BTF3L4: variants seen among roughly 807,000 people sequenced by gnomAD.
BTF3L4 encodes the protein transcription factor BTF3 homolog 4.
Under a neutral mutation model 16.8 loss-of-function variants are expected in BTF3L4, and 6 were observed. The ratio of observed to expected loss-of-function variants is 0.36; its 90% CI spans 0.20 to 0.71. The LOEUF (loss-of-function observed/expected upper bound fraction) is 0.71, where lower values mean the gene tolerates loss of function less well. BTF3L4 is among the 30% of genes least tolerant of loss of function. The pLI is 0.58. For synonymous variants in BTF3L4, 39 were observed against 59.8 expected (o/e 0.65, Z 1.60); for missense variants, 92 against 186.9 (o/e 0.49, Z 2.96).
At chr1:52,067,064 C>T (rs1022381674) in intron 3 of BTF3L4, among the ~76,000 whole-genome samples, 6 of 151,696 alleles carry the variant, frequency 4.0e-5, no homozygotes, top group South Asian at 2.1e-4. Flanking sequence ...TGGTGAGACC[C>T]GTCTCTACTA....
intron 3 of BTF3L4, among the ~76,000 whole-genome samples, chr1:52,079,547 T>C (rs187751853): frequency 2.9e-4 from 44 of 152,312 alleles, no homozygotes; most frequent in African/African-American, 9.1e-4. Flanking sequence ...AATTTATTTA[T>C]GTTTCACAAT....
At chr1:52,059,567 G>GA (rs1414584499) in intron 1 of BTF3L4, among the ~76,000 whole-genome samples, 3 of 152,156 alleles carry the variant, frequency 2.0e-5, no homozygotes, top group African/African-American at 4.8e-5. Flanking sequence ...TTTAAGGAGG[G>GA]ATCTTTGAAT....
chr1:52,085,420 T>G (rs888187297), intron 4 of BTF3L4, among the ~76,000 whole-genome samples: 2 of 151,688 alleles, frequency 1.3e-5, no homozygotes, highest in African/African-American at 4.8e-5. Context: ...TCGCCCAGGA[T>G]GGAGTGCAGT....
intron 1 of BTF3L4, among the ~76,000 whole-genome samples, chr1:52,059,309 T>C (rs1171258079): frequency 3.3e-5 from 5 of 152,346 alleles, no homozygotes; most frequent in East Asian, 3.9e-4. Context: ...CTACTTGATA[T>C]CTTGACAGCT....
chr1:52,061,294 G>A (rs1355986733), intron 2 of BTF3L4, among the ~76,000 whole-genome samples: 1 of 151,992 alleles, frequency 6.6e-6, no homozygotes, highest in Non-Finnish European at 1.5e-5. Context: ...TTCAAGACCA[G>A]CCTAGCCAAC....
chr1:52,056,592 C>A (rs1284118734), intron 1 of BTF3L4, among the ~76,000 whole-genome samples: 1 of 152,268 alleles, frequency 6.6e-6, no homozygotes, highest in Admixed American at 6.5e-5. Context: ...ACCACCGCCC[C>A]CTGTGGGAGC....
At chr1:52,066,011 C>A (rs1333140124) in intron 3 of BTF3L4, among the ~76,000 whole-genome samples, 1 of 151,952 alleles carries the variant, frequency 6.6e-6, no homozygotes, top group African/African-American at 2.4e-5. Flanking sequence ...GCACTCCAGC[C>A]TGGGTGACAG....
intron 1 of BTF3L4, among the ~76,000 whole-genome samples, chr1:52,057,144 T>C (rs1002234770): frequency 2.0e-5 from 3 of 152,180 alleles, no homozygotes; most frequent in Admixed American, 6.5e-5. Flanking sequence ...AGAAGAAAAA[T>C]ACCTTTCCCA....
At chr1:52,077,263 T>C (rs1334106075) in intron 3 of BTF3L4, among the ~76,000 whole-genome samples, 6 of 152,238 alleles carry the variant, frequency 3.9e-5, no homozygotes, top group African/African-American at 1.4e-4. Context: ...AACTGCTGGC[T>C]GGGCGCGGTA....
intron 3 of BTF3L4, among the ~76,000 whole-genome samples, chr1:52,075,710 C>T (rs2124435383): frequency 6.6e-6 from 1 of 151,510 alleles, no homozygotes; most frequent in Middle Eastern, 3.4e-3. Flanking sequence ...GTTGCCCAGG[C>T]TGAAGTGCGG....
intron 5 of BTF3L4, 145 bp from the exon 6 acceptor site, chr1:52,086,567 C>G: frequency 1.9e-6 from 1 of 536,394 alleles, no homozygotes; most frequent in Non-Finnish European, 3.3e-6. Flanking sequence ...AAAATGCCAC[C>G]AGTTCATTTC....
At chr1:52,076,295 G>T (rs193217269) in intron 3 of BTF3L4, among the ~76,000 whole-genome samples, 4 of 148,390 alleles carry the variant, frequency 2.7e-5, no homozygotes, top group East Asian at 2.1e-4. Context: ...AAAGAAAAAG[G>T]CTGGGCGCAG....
intron 5 of BTF3L4, 56 bp downstream of exon 5, chr1:52,086,227 G>A (rs1411427860): frequency 1.5e-6 from 2 of 1,313,568 alleles, no homozygotes; most frequent in African/African-American, 1.5e-5. Context: ...TCTCCTTTCA[G>A]TCATTGCATA....
chr1:52,057,026 A>G (rs917783384), intron 1 of BTF3L4, among the ~76,000 whole-genome samples: 2 of 152,184 alleles, frequency 1.3e-5, no homozygotes, highest in African/African-American at 2.4e-5. Flanking sequence ...GTAACTGTGT[A>G]TCTTCTGTGA....
intron 2 of BTF3L4, among the ~76,000 whole-genome samples, chr1:52,062,359 G>A (rs930503310): frequency 2.6e-5 from 4 of 151,582 alleles, no homozygotes; most frequent in African/African-American, 7.3e-5. Flanking sequence ...GCGCCACCAC[G>A]CCTGGCTAAT....
chr1:52,079,111 A>G (rs1445129119), intron 3 of BTF3L4, among the ~76,000 whole-genome samples: 3 of 152,210 alleles, frequency 2.0e-5, no homozygotes, highest in Admixed American at 6.6e-5. Flanking sequence ...AGAGGTGTCT[A>G]ACTGGTCTTG....
rs1222636020 is a variant in BTF3L4, at chr1:52,086,021, G to C, written c.371-91G>C. The C allele has an allele frequency of 7.8e-6, 6 of 765,678 alleles. No individual in the cohort carries two copies. In the Admixed American group the frequency reaches 1.9e-4, roughly 25 times the overall value. The allele number at this position is 765,678 out of a possible 1,614,324, so 47.4% of individuals were successfully genotyped here. On this transcript the variant is annotated intron_variant, in intron 4 of 5. Coordinates refer to ENST00000313334, the MANE Select transcript of BTF3L4 (RefSeq NM_152265.5). ...TTTAGCTATTTCTGAGCAACTCTGT[G>C]TGATTTATACAGGAAAAAAGGGATA... is the stretch of plus-strand genomic sequence containing the variant.
Position 52,066,197 on chromosome 1 carries a change from G to GTT in BTF3L4, c.168+1265_168+1266dup, listed in dbSNP as rs565389265. 1.8e-3 allele frequency among the ~76,000 whole-genome samples: 278 copies of GTT among 151,478 alleles called. 1 individual carries two copies. Among genetic ancestry groups the GTT allele is most frequent in the Admixed American group, 4.2e-3 (63 of 15,166 alleles). On this transcript the variant is annotated intron_variant, in intron 3 of 5. Coordinates refer to ENST00000313334, the MANE Select transcript of BTF3L4 (RefSeq NM_152265.5). Reference sequence around the variant, plus strand: ...GCACCTCTGCCTGATGATTCCATTTGTTTTTTTGTTTTTTAAGACAGAATC... The same window carrying GTT: ...GCACCTCTGCCTGATGATTCCATTTGTTTTTTTTTGTTTTTTAAGACAGAATC...
intron 3 of BTF3L4, among the ~76,000 whole-genome samples, chr1:52,074,265 T>C (rs970678572): frequency 6.6e-6 from 1 of 151,982 alleles, no homozygotes; most frequent in African/African-American, 2.4e-5. Context: ...TGGCACAGTC[T>C]TGGCTCACTG....
Sources: gnomAD v4.1 joint callset for allele counts (sites outside exome capture counted in the v4.1 genomes callset) on GRCh38, gnomAD v4.1.1 for gene constraint, MANE v1.5 for transcripts, NCBI Gene and HGNC (gene_info 2026-07-23, HGNC 2026-07-21) for gene names.